MDFIC: variants seen among roughly 807,000 people sequenced by gnomAD.
The protein encoded by MDFIC is MyoD family inhibitor domain containing.
In MDFIC, 17 loss-of-function variants were observed where a neutral mutation model predicts 23.2. The ratio of observed to expected loss-of-function variants is 0.73; its 90% CI spans 0.50 to 1.10. The LOEUF (loss-of-function observed/expected upper bound fraction) is 1.10, where lower values mean the gene tolerates loss of function less well. Ranked by LOEUF, MDFIC falls within the 50% of genes least tolerant of loss-of-function variation. The probability of loss-of-function intolerance (pLI) is 0.00; values close to 1 mark genes in which losing one functional copy is unlikely to be tolerated. For synonymous variants in MDFIC, 120 were observed against 115.2 expected, an observed-to-expected ratio of 1.04 and a Z score of -0.27; for missense variants, 356 against 316.6, an observed-to-expected ratio of 1.12 and a Z score of -0.95.
At chr7:114,925,045 T>A (rs1195595631) in intron 2 of MDFIC, among the ~76,000 whole-genome samples, 1 of 152,206 alleles carries the variant, frequency 6.6e-6, no homozygotes, top group East Asian at 1.9e-4. Context: ...TACGGTAGGA[T>A]ATGGCTGCTT....
At chr7:114,973,739 T>C (rs1445379160) in intron 3 of MDFIC, among the ~76,000 whole-genome samples, 1 of 152,178 alleles carries the variant, frequency 6.6e-6, no homozygotes, top group South Asian at 2.1e-4. Flanking sequence ...AGATTTATTT[T>C]GCAATCATTA....
Position 114,922,518 on chromosome 7 carries a change from C to A in MDFIC, c.-226C>A, listed in dbSNP as rs1003725502. The A allele has an allele frequency of 3.2e-6, 4 of 1,259,750 alleles. No homozygotes were observed. Among genetic ancestry groups the A allele is most frequent in the East Asian group, 3.1e-5 (1 of 32,428 alleles). 78.0% of individuals were successfully genotyped at this position (1,259,750 alleles called of 1,614,324 possible). A position where few individuals can be genotyped will look rare whatever the true frequency, so the allele number is the denominator to read the frequency against. On this transcript the variant is annotated 5_prime_UTR_variant, in exon 1 of 5. Transcript: ENST00000393486. ...GAGGACGCGCAGGGGCGGCCGCCGC[C>A]GTCGTCAGGCCACCGGGGCGAAAAT... is the stretch of plus-strand genomic sequence containing the variant.
At chr7:114,950,173 G>A (rs10247983) in intron 3 of MDFIC, among the ~76,000 whole-genome samples, 126,488 of 152,110 alleles carry the variant, frequency 0.83, 53,946 homozygotes, top group Non-Finnish European at 0.92. Context: ...AGGACTGAAG[G>A]CATTAAGAGA....
In MDFIC at chr7:114,979,569, G is replaced by A. The variant is rs750658797; in HGVS notation, c.281G>A (p.Gly94Asp). The A allele has an allele frequency of 3.7e-5, 60 of 1,614,038 alleles. 1 individual carries two copies. In the East Asian group the frequency reaches 1.1e-3, roughly 31 times the overall value. The stretch of plus-strand genomic sequence containing the variant: ...CAGGTGCCAAGTGGTGAGGAAATAG[G>A]CAAGATAAAGAACGGCCACACAGGT... ...SAQVPSGEEI[G>D]KIKNGHTGLS... Residue 94 changes from glycine to aspartate, a missense_variant, in exon 4 of 5, where the codon GGC (glycine) becomes GAC (aspartate). Gly to Asp is a moderately conservative substitution (Grantham distance 94, BLOSUM62 -1). Coordinates refer to ENST00000393486, the MANE Select transcript of MDFIC (RefSeq NM_001166345.3).
intron 3 of MDFIC, among the ~76,000 whole-genome samples, chr7:114,946,909 A>G (rs766684434): frequency 6.6e-6 from 1 of 152,208 alleles, no homozygotes; most frequent in Non-Finnish European, 1.5e-5. Context: ...CCCTTAATGC[A>G]TACCATTTCA....
chr7:115,013,976 C>T, intron 4 of MDFIC: 1 of 985,140 alleles, frequency 1.0e-6, no homozygotes, highest in Non-Finnish European at 1.2e-6. Flanking sequence ...TTTGTTTTTC[C>T]AGTCGCTGCA....
intron 3 of MDFIC, among the ~76,000 whole-genome samples, chr7:114,976,918 T>C (rs979205924): frequency 1.4e-4 from 22 of 152,138 alleles, no homozygotes; most frequent in African/African-American, 5.3e-4. Context: ...AAGTCCTCTT[T>C]AGCACATTTA....
rs2709483 is a variant in MDFIC at position 114,935,250 on chromosome 7, T to A, written c.95-7025T>A. Among the ~76,000 whole-genome samples the A allele has an allele frequency of 1.3e-3, 203 of 152,088 alleles. 1 individual carries two copies. The highest frequency in any genetic ancestry group is 2.3e-3 in the Non-Finnish European group (158 of 67,930). On this transcript the variant is annotated intron_variant, in intron 2 of 4. Transcript: ENST00000393486. ...TAAGGGAGGTATGAATACAAATTGCTTATCACCAATAACAATATACATAAT... is the reference window on the plus strand; with the variant it reads ...TAAGGGAGGTATGAATACAAATTGCATATCACCAATAACAATATACATAAT...
intron 2 of MDFIC, among the ~76,000 whole-genome samples, chr7:114,927,414 T>G (rs1472321053): frequency 6.6e-6 from 1 of 151,714 alleles, no homozygotes; most frequent in Non-Finnish European, 1.5e-5. Flanking sequence ...TATCACTCCA[T>G]GTAAACTCTC....
rs752307203 is a variant in MDFIC, at chr7:115,015,862, T to C, written c.668T>C (p.Met223Thr). The C allele has an allele frequency of 4.3e-6, 7 of 1,613,656 alleles. No individual in the cohort carries two copies. The highest frequency in any genetic ancestry group is 5.1e-6 in the Non-Finnish European group (6 of 1,179,630). ...NCPCDMDCGI[M>T]DACCESSDCL... ...CCTTGTGATATGGACTGTGGCATCA[T>C]GGATGCCTGTTGTGAATCATCAGAC... is the stretch of plus-strand genomic sequence containing the variant. The change falls in exon 5 of 5, where the codon ATG (methionine) becomes ACG (threonine). Residue 223 changes from methionine (M) to threonine (T), a missense_variant. By Grantham distance (81) the Met-to-Thr change is moderately conservative (BLOSUM62 -1). Transcript: ENST00000393486.
At chr7:114,987,068 G>A (rs1004306038) in intron 4 of MDFIC, among the ~76,000 whole-genome samples, 6 of 152,110 alleles carry the variant, frequency 3.9e-5, no homozygotes, top group African/African-American at 1.4e-4. Context: ...ATAAAAGGAA[G>A]GGCAAATATT....
intron 4 of MDFIC, among the ~76,000 whole-genome samples, chr7:114,991,832 G>A (rs560713354): frequency 6.6e-6 from 1 of 152,274 alleles, no homozygotes; most frequent in South Asian, 2.1e-4. Flanking sequence ...TGGCAATGTG[G>A]GCTCTTTTTT....
At chr7:114,925,764 A>G (rs1792178836) in intron 2 of MDFIC, among the ~76,000 whole-genome samples, 1 of 152,174 alleles carries the variant, frequency 6.6e-6, no homozygotes. Context: ...CCAGATTTTT[A>G]TGTATCATCT....
At chr7:114,951,534 T>A (rs1444030471) in intron 3 of MDFIC, among the ~76,000 whole-genome samples, 2 of 152,220 alleles carry the variant, frequency 1.3e-5, no homozygotes, top group Non-Finnish European at 2.9e-5. Flanking sequence ...TGTGTTTATT[T>A]TTTTCTTAAT....
intron 2 of MDFIC, among the ~76,000 whole-genome samples, chr7:114,939,473 G>A (rs1792496097): frequency 6.6e-6 from 1 of 152,070 alleles, no homozygotes; most frequent in African/African-American, 2.4e-5. Flanking sequence ...TTTTTGACCT[G>A]AGATGGACAC....
chr7:114,939,743 C>A (rs1792501179), intron 2 of MDFIC, among the ~76,000 whole-genome samples: 1 of 152,120 alleles, frequency 6.6e-6, no homozygotes, highest in Non-Finnish European at 1.5e-5. Flanking sequence ...TTTATTCATA[C>A]CTATTTTCTT....
chr7:114,965,588 C>T (rs563971073), intron 3 of MDFIC, among the ~76,000 whole-genome samples: 1 of 152,230 alleles, frequency 6.6e-6, no homozygotes, highest in East Asian at 1.9e-4. Context: ...TTGAGAGATA[C>T]TTGTGTGCAA....
chr7:114,994,968 G>A (rs575408569), intron 4 of MDFIC, among the ~76,000 whole-genome samples: 1,839 of 152,232 alleles, frequency 0.012, 19 homozygotes, highest in Non-Finnish European at 0.018. Flanking sequence ...CATTCTCCCT[G>A]TCACTTTCAG....
chr7:115,012,346 G>T (rs1006146590), intron 4 of MDFIC, among the ~76,000 whole-genome samples: 2 of 152,060 alleles, frequency 1.3e-5, no homozygotes, highest in African/African-American at 4.8e-5. Flanking sequence ...AACCTATTAG[G>T]AAACAAGGAA....
Sources: allele counts gnomAD v4.1 joint callset (sites outside exome capture counted in the v4.1 genomes callset), GRCh38; gene constraint gnomAD v4.1.1; transcripts MANE v1.5; gene names NCBI Gene and HGNC (gene_info 2026-07-23, HGNC 2026-07-21).